Variants in CACNA1A observed in about 807,000 individuals in gnomAD.
The protein encoded by CACNA1A is voltage-dependent P/Q-type calcium channel subunit alpha-1A.
In CACNA1A, 57 loss-of-function variants were observed where a neutral mutation model predicts 262.4. That is an observed-to-expected ratio of 0.22 (90% CI 0.18 to 0.27). The LOEUF (loss-of-function observed/expected upper bound fraction) is 0.27, where lower values mean the gene tolerates loss of function less well. Ranked by LOEUF, CACNA1A falls within the 10% of genes least tolerant of loss-of-function variation. CACNA1A has a pLI of 1.00. For missense variants in CACNA1A, 2,526 were observed against 3,562.8 expected, an observed-to-expected ratio of 0.71 and a Z score of 7.41; for synonymous variants, 1,431 against 1,419.3, an observed-to-expected ratio of 1.01 and a Z score of -0.18.
At chr19:13,474,427 T>C (rs1400335752) in intron 1 of CACNA1A, among the ~76,000 whole-genome samples, 1 of 152,050 alleles carries the variant, frequency 6.6e-6, no homozygotes, top group Admixed American at 6.6e-5. Context: ...ACATTGCAGG[T>C]TCTAGAACCT....
chr19:13,455,677 A>G (rs1161932131), intron 1 of CACNA1A, among the ~76,000 whole-genome samples: 1 of 152,118 alleles, frequency 6.6e-6, no homozygotes, highest in Non-Finnish European at 1.5e-5. Context: ...GGTGAAGACT[A>G]TAGACAGTGG....
intron 1 of CACNA1A, among the ~76,000 whole-genome samples, chr19:13,497,217 C>G (rs1981637762): frequency 6.6e-6 from 1 of 151,794 alleles, no homozygotes; most frequent in Non-Finnish European, 1.5e-5. Flanking sequence ...TAGCTCCTGC[C>G]ATAAATGCTG....
chr19:13,308,392 T>C lies in CACNA1A; in HGVS notation c.1781+24A>G. The C allele has an allele frequency of 7.8e-7, 1 of 1,290,024 alleles. No individual in the cohort carries two copies. Among genetic ancestry groups the C allele is most frequent in the Non-Finnish European group, 1.1e-6 (1 of 907,960 alleles). 79.9% of individuals were successfully genotyped at this position (1,290,024 alleles called of 1,614,324 possible). On this transcript the variant is annotated intron_variant, in intron 13 of 46. Coordinates refer to ENST00000360228, the MANE Select transcript of CACNA1A (RefSeq NM_001127222.2). The surrounding 1 kb of genome is among the most constrained non-coding windows in gnomAD (Gnocchi z 4.2). Reference sequence around the variant, plus strand: ...CCCCCATCCCCACCCCCTGTACAAATGTCCAGGAACCCCAAAGACTTACTT... The same window carrying C: ...CCCCCATCCCCACCCCCTGTACAAACGTCCAGGAACCCCAAAGACTTACTT...
At chr19:13,290,898 T>C (rs2057521995) in intron 19 of CACNA1A, among the ~76,000 whole-genome samples, 1 of 152,158 alleles carries the variant, frequency 6.6e-6, no homozygotes, top group Non-Finnish European at 1.5e-5. Context: ...CTTAGAGGAA[T>C]ACCATCTACC....
chr19:13,255,073 G>C (rs758997816), intron 29 of CACNA1A, 22 bp downstream of exon 29: 5 of 1,612,834 alleles, frequency 3.1e-6, no homozygotes, highest in Non-Finnish European at 4.2e-6. Flanking sequence ...AGTAGTGCTG[G>C]GGGCTGGTGT....
At chr19:13,276,670 G>A (rs2144837475) in intron 23 of CACNA1A, among the ~76,000 whole-genome samples, 1 of 151,032 alleles carries the variant, frequency 6.6e-6, no homozygotes, top group Admixed American at 6.6e-5. Flanking sequence ...CATTCTTGGA[G>A]GCTCAGGATC....
chr19:13,503,347 C>T (rs1005124937), intron 1 of CACNA1A, among the ~76,000 whole-genome samples: 3 of 151,976 alleles, frequency 2.0e-5, no homozygotes, highest in African/African-American at 7.3e-5. Context: ...GTGCTGGATA[C>T]GTGGGTGTGT....
intron 1 of CACNA1A, among the ~76,000 whole-genome samples, chr19:13,474,338 G>T (rs1018398866): frequency 2.0e-5 from 3 of 152,184 alleles, no homozygotes; most frequent in East Asian, 3.8e-4. Context: ...AGCTTGAGGC[G>T]CTTCAGAGCT....
intron 37 of CACNA1A, 82 bp downstream of exon 37, chr19:13,227,349 T>C (rs550544619): frequency 3.4e-6 from 2 of 588,366 alleles, no homozygotes; most frequent in South Asian, 4.5e-5. Flanking sequence ...CGGGTGTTTC[T>C]GGTCAGCACT....
chr19:13,398,761 C>T (rs1053055789), intron 3 of CACNA1A, among the ~76,000 whole-genome samples: 7 of 152,210 alleles, frequency 4.6e-5, no homozygotes, highest in African/African-American at 1.7e-4. Flanking sequence ...GAGGATTCAA[C>T]GTGATCATTC....
chr19:13,486,563 G>T (rs979162244), intron 1 of CACNA1A, among the ~76,000 whole-genome samples: 18 of 152,112 alleles, frequency 1.2e-4, no homozygotes, highest in Non-Finnish European at 1.9e-4. Context: ...AAGAGATGAC[G>T]AGTTGGCAAG....
At chr19:13,449,151 A>G (rs1437954662) in intron 3 of CACNA1A, among the ~76,000 whole-genome samples, 1 of 150,972 alleles carries the variant, frequency 6.6e-6, no homozygotes, top group African/African-American at 2.4e-5. Flanking sequence ...CATTTTTTTT[A>G]TAGATGGGGT....
At chr19:13,228,203 C>T (rs995720216) in intron 36 of CACNA1A, among the ~76,000 whole-genome samples, 2 of 151,964 alleles carry the variant, frequency 1.3e-5, no homozygotes, top group Admixed American at 1.3e-4. Flanking sequence ...CCACTGCGCC[C>T]GGCCATCACT....
intron 3 of CACNA1A, among the ~76,000 whole-genome samples, chr19:13,380,053 AG>A (rs2059489285): frequency 7.2e-6 from 1 of 139,416 alleles, no homozygotes; most frequent in South Asian, 2.3e-4. Context: ...TGGGAGGCCA[AG>A]GCTGGCGGAT....
intron 1 of CACNA1A, among the ~76,000 whole-genome samples, chr19:13,501,231 A>G (rs190984303): frequency 6.6e-6 from 1 of 151,580 alleles, no homozygotes; most frequent in East Asian, 1.9e-4. Flanking sequence ...AAAAAAAAGT[A>G]CAGTGGTGCA....
intron 1 of CACNA1A, among the ~76,000 whole-genome samples, chr19:13,497,470 A>AGAGTG (rs1981671625): frequency 9.1e-6 from 1 of 110,088 alleles, no homozygotes; most frequent in Admixed American, 1.1e-4. Context: ...CCTGGGCAAC[A>AGAGTG]AGAATGAAAC....
intron 6 of CACNA1A, among the ~76,000 whole-genome samples, chr19:13,344,221 C>A (rs868628405): frequency 0.013 from 1,619 of 120,790 alleles, no homozygotes; most frequent in Non-Finnish European, 0.015. Flanking sequence ...CTCAAAAAAG[C>A]AAAAAAAAAA....
intron 35 of CACNA1A, 48 bp from the exon 36 acceptor site, chr19:13,230,257 G>A (rs751251680): frequency 1.2e-6 from 2 of 1,604,062 alleles, no homozygotes; most frequent in Middle Eastern, 1.7e-4. Context: ...GAGACCGAGG[G>A]AATGAATGAG....
chr19:13,274,518 T>C (rs1278292225), intron 24 of CACNA1A: 1 of 152,256 alleles, frequency 6.6e-6, no homozygotes, highest in Non-Finnish European at 1.5e-5. Flanking sequence ...TGTCAGGGAA[T>C]CATTCACCAT....
Sources: allele counts gnomAD v4.1 joint callset (sites outside exome capture counted in the v4.1 genomes callset), GRCh38; gene constraint gnomAD v4.1.1; non-coding constraint Gnocchi (gnomAD v3.1); transcripts MANE v1.5; gene names NCBI Gene and HGNC (gene_info 2026-07-23, HGNC 2026-07-21).